The following CAMK1D variants were observed in gnomAD, a reference collection of about 807,000 sequenced individuals.
The protein encoded by CAMK1D is calcium/calmodulin-dependent protein kinase type 1D.
CAMK1D carries 9 observed loss-of-function variants against 47.7 expected under a neutral mutation model. The ratio of observed to expected loss-of-function variants is 0.19; its 90% CI spans 0.11 to 0.33. The LOEUF is 0.33. Ranked by LOEUF, CAMK1D falls within the 10% of genes least tolerant of loss-of-function variation. The pLI is 1.00. For synonymous variants in CAMK1D, 184 were observed against 184.9 expected (o/e 0.99, Z 0.04); for missense variants, 291 against 488.7 (o/e 0.60, Z 3.81).
At chr10:12,820,517 C>T (rs76602878) in intron 8 of CAMK1D, among the ~76,000 whole-genome samples, 433 of 152,236 alleles carry the variant, frequency 2.8e-3, no homozygotes, top group African/African-American at 9.9e-3. Flanking sequence ...TTCCTCCAGG[C>T]GGCCCCTCCT....
At chr10:12,536,613 C>T (rs112825377) in intron 1 of CAMK1D, among the ~76,000 whole-genome samples, 64 of 152,308 alleles carry the variant, frequency 4.2e-4, no homozygotes, top group African/African-American at 1.5e-3. Flanking sequence ...TCTTTCCTCT[C>T]CAGAGGCAAC....
rs191866309 is a variant in CAMK1D at position 12,690,623 on chromosome 10, C to T, written c.299+23813C>T. Among the ~76,000 whole-genome samples the T allele has an allele frequency of 4.9e-4, 74 of 152,244 alleles. 1 individual carries two copies. In the South Asian group the frequency reaches 0.011, roughly 23 times the overall value. On this transcript the variant is annotated intron_variant, in intron 3 of 10. Transcript: ENST00000619168. ...CCTATGTCAAAAGATGAACTGCAGA[C>T]GCACAGTTTGTGTGCAGTCTCTCTA...
At chr10:12,773,604 A>C (rs1401579162) in intron 5 of CAMK1D, among the ~76,000 whole-genome samples, 1 of 152,230 alleles carries the variant, frequency 6.6e-6, no homozygotes, top group African/African-American at 2.4e-5. Context: ...TTGAGAATAC[A>C]AATATGGGCC....
intron 2 of CAMK1D, among the ~76,000 whole-genome samples, chr10:12,634,985 T>C (rs1023691803): frequency 3.9e-5 from 6 of 152,224 alleles, no homozygotes; most frequent in African/African-American, 1.2e-4. Flanking sequence ...TGCCATATAC[T>C]GTGCTGGAAG....
chr10:12,703,558 C>T (rs1222633820), intron 3 of CAMK1D, among the ~76,000 whole-genome samples: 4 of 152,140 alleles, frequency 2.6e-5, no homozygotes, highest in Non-Finnish European at 4.4e-5. Context: ...TCATATGTCG[C>T]CCAGATACTT....
intron 1 of CAMK1D, among the ~76,000 whole-genome samples, chr10:12,398,493 T>C (rs2131907289): frequency 6.6e-6 from 1 of 152,210 alleles, no homozygotes; most frequent in East Asian, 1.9e-4. Context: ...GGATTACAGG[T>C]GCCTGCCACT....
At chr10:12,616,630 G>A (rs1237611328) in intron 2 of CAMK1D, among the ~76,000 whole-genome samples, 1 of 151,226 alleles carries the variant, frequency 6.6e-6, no homozygotes, top group Non-Finnish European at 1.5e-5. Context: ...CCATTCTCCT[G>A]CCTCAGCCTC....
intron 2 of CAMK1D, among the ~76,000 whole-genome samples, chr10:12,611,588 C>CATTTTT (rs1838622182): frequency 1.7e-5 from 1 of 59,906 alleles, no homozygotes; most frequent in African/African-American, 4.9e-5. Flanking sequence ...TTCAGAATGC[C>CATTTTT]TTTTTTTTTT....
At chr10:12,547,646 C>CA (rs1323084833) in intron 1 of CAMK1D, among the ~76,000 whole-genome samples, 2 of 103,932 alleles carry the variant, frequency 1.9e-5, no homozygotes, top group South Asian at 3.5e-4. Context: ...GACACCCCCC[C>CA]CCCAACCCTG....
chr10:12,421,187 A>C (rs1049044414), intron 1 of CAMK1D, among the ~76,000 whole-genome samples: 3 of 152,140 alleles, frequency 2.0e-5, no homozygotes, highest in Non-Finnish European at 4.4e-5. Context: ...TCTCCTTCCC[A>C]TGTTCACATC....
intron 2 of CAMK1D, among the ~76,000 whole-genome samples, chr10:12,598,212 A>G (rs1046424390): frequency 2.6e-5 from 4 of 152,212 alleles, no homozygotes; most frequent in Non-Finnish European, 1.5e-5. Context: ...AAATGAAAAT[A>G]CTTAAGGATG....
At chr10:12,760,606 C>T in intron 3 of CAMK1D, 1 of 195,826 alleles carries the variant, frequency 5.1e-6, no homozygotes, top group Admixed American at 5.2e-5. Context: ...ACATTTTATT[C>T]AGGGTCATCT....
At chr10:12,566,851 T>C (rs1112240) in intron 2 of CAMK1D, among the ~76,000 whole-genome samples, 84,970 of 151,954 alleles carry the variant, frequency 0.56, 24,837 homozygotes, top group Non-Finnish European at 0.64. Flanking sequence ...GTTTCAGAAA[T>C]TCCCCTGGTG....
chr10:12,478,543 C>T (rs1248542066), intron 1 of CAMK1D, among the ~76,000 whole-genome samples: 2 of 152,022 alleles, frequency 1.3e-5, no homozygotes, highest in South Asian at 2.1e-4. Context: ...CTGGCCCCAA[C>T]GAGTCCCAGC....
intron 6 of CAMK1D, among the ~76,000 whole-genome samples, chr10:12,800,685 TC>T (rs1401834868): frequency 6.6e-6 from 1 of 152,202 alleles, no homozygotes; most frequent in Non-Finnish European, 1.5e-5. Context: ...TAAAAAATAC[TC>T]CTTAACAAAT....
At chr10:12,579,226 A>T (rs1006492188) in intron 2 of CAMK1D, among the ~76,000 whole-genome samples, 4 of 152,114 alleles carry the variant, frequency 2.6e-5, no homozygotes, top group Non-Finnish European at 5.9e-5. Flanking sequence ...TGAGGGGAGC[A>T]TTCCTCTTCT....
At chr10:12,363,882 C>T (rs1476493629) in intron 1 of CAMK1D, among the ~76,000 whole-genome samples, 1 of 152,040 alleles carries the variant, frequency 6.6e-6, no homozygotes, top group Non-Finnish European at 1.5e-5. Context: ...TTGCTTCCAC[C>T]TCTTGGCTGT....
chr10:12,808,567 C>T (rs1832464628), intron 6 of CAMK1D, among the ~76,000 whole-genome samples: 2 of 152,286 alleles, frequency 1.3e-5, no homozygotes, highest in South Asian at 4.1e-4. Context: ...CACCTGAGGT[C>T]AGGAGTTTGA....
intron 3 of CAMK1D, among the ~76,000 whole-genome samples, chr10:12,752,603 T>C (rs1049765302): frequency 5.9e-5 from 9 of 152,122 alleles, no homozygotes; most frequent in African/African-American, 2.2e-4. Context: ...AAAAAAAATA[T>C]ATACATACAC....
Sources: gnomAD v4.1 joint callset for allele counts (sites outside exome capture counted in the v4.1 genomes callset) on GRCh38, gnomAD v4.1.1 for gene constraint, MANE v1.5 for transcripts, NCBI Gene and HGNC (gene_info 2026-07-23, HGNC 2026-07-21) for gene names.